SNED1: variants seen among roughly 807,000 people sequenced by gnomAD.
SNED1 encodes sushi, nidogen and EGF like domains 1.
In SNED1, 81 loss-of-function variants were observed where a neutral mutation model predicts 166.7. That is an observed-to-expected ratio of 0.49 (90% confidence interval 0.41 to 0.58). The LOEUF (loss-of-function observed/expected upper bound fraction) is 0.58. Ranked by LOEUF, SNED1 falls within the 20% of genes least tolerant of loss-of-function variation. The pLI, the probability that SNED1 is intolerant of heterozygous loss-of-function variation, is 0.00. For missense variants in SNED1, 1,604 were observed against 2,000.2 expected (o/e 0.80, Z 3.78); for synonymous variants, 762 against 822.0 (o/e 0.93, Z 1.25).
In SNED1 at chr2:241,040,365, T is replaced by TA; in HGVS notation, c.1226dup (p.Tyr409Ter). The change falls in exon 8 of 32, where the codon TAC becomes TAAC. Residue 409 changes from tyrosine (Y) to a stop codon, truncating the protein, a stop_gained and frameshift_variant. Coordinates refer to ENST00000310397, the MANE Select transcript of SNED1 (RefSeq NM_001080437.3). LOFTEE classifies it high-confidence loss of function. The part of the protein sequence containing the change: ...GGSCVDLVGN[Y>*]TCLCAEPFKG... ...CTCTTGTGTTGACCTAGTGGGGAATTACACCTGCTTGTGTGCCGAGCCCTT... is the reference window on the plus strand; with the variant it reads ...CTCTTGTGTTGACCTAGTGGGGAATTAACACCTGCTTGTGTGCCGAGCCCTT... 6.2e-7 allele frequency: 1 copy of TA among 1,608,816 alleles called. No individual in the cohort carries two copies. Among genetic ancestry groups the TA allele is most frequent in the Non-Finnish European group, 8.5e-7 (1 of 1,177,696 alleles).
intron 31 of SNED1, chr2:241,090,363 A>G (rs1354858335): frequency 3.2e-6 from 5 of 1,550,304 alleles, no homozygotes; most frequent in Admixed American, 2.0e-5. Context: ...TCCTGTGACA[A>G]TGATGCCTTC....
At position 241,052,150 on chromosome 2, in the gene SNED1, C is replaced by T. The variant is rs569737866; in HGVS notation, c.1962C>T (p.Cys654=). 19 of 1,612,870 alleles carry T rather than the reference C, an allele frequency of 1.2e-5. No individual in the cohort carries two copies. Among genetic ancestry groups the T allele is most frequent in the East Asian group, 4.5e-5 (2 of 44,856 alleles). Residue 654 remains cysteine (C), a synonymous_variant, in exon 14 of 32, where the codon TGC becomes TGT. Transcript: ENST00000310397. ...CCCCAGGCTTCTCCGGGCGGCACTGCGAGATAGGTAAGGTGGGTGGGAGGC... is the reference window on the plus strand; with the variant it reads ...CCCCAGGCTTCTCCGGGCGGCACTGTGAGATAGGTAAGGTGGGTGGGAGGC... The part of the protein sequence containing the change: ...DCPPGFSGRH[C]EIAPSPCFRS...
chr2:241,008,982 G>A (rs2060304623), intron 1 of SNED1, among the ~76,000 whole-genome samples: 2 of 152,264 alleles, frequency 1.3e-5, no homozygotes, highest in African/African-American at 4.8e-5. Flanking sequence ...TCTGGGGTGG[G>A]TTGGAGGCGG....
In SNED1 at chr2:241,082,971, G is replaced by A. The variant is rs542559436; in HGVS notation, c.4121+607G>A. 5.9e-5 allele frequency among the ~76,000 whole-genome samples: 9 copies of A among 152,168 alleles called. No homozygotes were observed. The East Asian group carries it at 7.7e-4, about 13-fold the overall frequency. ...ACTTACTGAGTACCTGCTGTGTGCC[G>A]GGCACTGTTCTAGATACTCAGCACA... On this transcript the variant is annotated intron_variant, in intron 29 of 31. Transcript: ENST00000310397.
At chr2:241,074,746 ACT>A (rs1316455004) in intron 27 of SNED1, 2 of 152,112 alleles carry the variant, frequency 1.3e-5, no homozygotes, top group Admixed American at 6.5e-5. Flanking sequence ...TTCATGTTGC[ACT>A]CTCACGCTAG....
intron 16 of SNED1, among the ~76,000 whole-genome samples, chr2:241,059,724 G>T (rs2062173069): frequency 6.6e-6 from 1 of 152,074 alleles, no homozygotes; most frequent in African/African-American, 2.4e-5. Flanking sequence ...AAATTCAACT[G>T]GTATTTAAAA....
intron 21 of SNED1, among the ~76,000 whole-genome samples, chr2:241,067,190 G>A (rs962535266): frequency 4.6e-5 from 7 of 152,340 alleles, no homozygotes; most frequent in African/African-American, 9.6e-5. Context: ...TCCACAGACC[G>A]GGGTGCTGAG....
At chr2:241,010,446 C>A (rs1422919732) in intron 1 of SNED1, 1 of 152,366 alleles carries the variant, frequency 6.6e-6, no homozygotes, top group African/African-American at 2.4e-5. Flanking sequence ...GCAGGAGAGC[C>A]CTGAGTGCCC....
chr2:241,008,566 T>C (rs1017102406), intron 1 of SNED1, among the ~76,000 whole-genome samples: 9 of 152,234 alleles, frequency 5.9e-5, no homozygotes, highest in African/African-American at 1.9e-4. Flanking sequence ...GCCGTCTGTC[T>C]GCGACCAGGC....
chr2:241,057,434 A>C (rs188773392), intron 16 of SNED1, among the ~76,000 whole-genome samples: 4,071 of 144,940 alleles, frequency 0.028, 308 homozygotes, highest in East Asian at 0.19. Context: ...TGGCTCACAC[A>C]TATAATGGGA....
intron 6 of SNED1, among the ~76,000 whole-genome samples, chr2:241,038,766 G>A (rs1360344121): frequency 6.6e-6 from 1 of 152,254 alleles, no homozygotes; most frequent in Non-Finnish European, 1.5e-5. Flanking sequence ...GGCCAGGGAG[G>A]CTGGCAGGAT....
Position 241,094,708 on chromosome 2 carries a change from A to C in SNED1, c.*3072A>C, listed in dbSNP as rs546877864. The C allele has an allele frequency of 3.4e-6, 1 of 294,708 alleles. No homozygotes were observed. Among genetic ancestry groups the C allele is most frequent in the Non-Finnish European group, 6.6e-6 (1 of 150,376 alleles). The allele number at this position is 294,708 out of a possible 1,614,324, so 18.3% of individuals were successfully genotyped here. A position where few individuals can be genotyped will look rare whatever the true frequency, so the allele number is the denominator to read the frequency against. ...GGGCCGGATCATCCTCTCTTGTGGG[A>C]CCATCCTGTGCACTGCAGGATGTTT... is the stretch of plus-strand genomic sequence containing the variant. On this transcript the variant is annotated 3_prime_UTR_variant, in exon 32 of 32. Coordinates refer to ENST00000310397, the MANE Select transcript of SNED1 (RefSeq NM_001080437.3). The surrounding 1 kb of genome is among the most constrained non-coding windows in gnomAD (Gnocchi z 4.3).
At position 241,069,042 on chromosome 2, in the gene SNED1, C is replaced by A; in HGVS notation, c.3307+19C>A. The A allele has an allele frequency of 6.7e-7, 1 of 1,500,070 alleles. No individual in the cohort carries two copies. The highest frequency in any genetic ancestry group is 9.0e-7 in the Non-Finnish European group (1 of 1,106,482). 92.9% of individuals were successfully genotyped at this position (1,500,070 alleles called of 1,614,324 possible). On this transcript the variant is annotated intron_variant, in intron 23 of 31. Coordinates refer to ENST00000310397, the MANE Select transcript of SNED1 (RefSeq NM_001080437.3). The surrounding 1 kb of genome is among the most constrained non-coding windows in gnomAD (Gnocchi z 4.9). ...TGGACCCGTGAGTAGAGCAGCGCGGCCCCCGGCACACGAAAGGCCGTCTTC... is the reference window on the plus strand; with the variant it reads ...TGGACCCGTGAGTAGAGCAGCGCGGACCCCGGCACACGAAAGGCCGTCTTC...
intron 16 of SNED1, among the ~76,000 whole-genome samples, chr2:241,055,190 A>G (rs1381527105): frequency 1.3e-5 from 2 of 152,168 alleles, no homozygotes; most frequent in African/African-American, 4.8e-5. Context: ...TCGGAGCCCA[A>G]GAAGAAGAGA....
At chr2:241,029,533 T>C (rs775744624) in intron 1 of SNED1, among the ~76,000 whole-genome samples, 5 of 152,138 alleles carry the variant, frequency 3.3e-5, no homozygotes, top group Non-Finnish European at 5.9e-5. Flanking sequence ...GATCTCAACA[T>C]AGGAATTTGG....
In SNED1 at chr2:241,069,148, C is replaced by T; in HGVS notation, c.3307+125C>T. 1.5e-6 allele frequency: 1 copy of T among 648,180 alleles called. No homozygotes were observed. The highest frequency in any genetic ancestry group is 2.6e-6 in the Non-Finnish European group (1 of 384,152). 40.2% of individuals were successfully genotyped at this position (648,180 alleles called of 1,614,324 possible). On this transcript the variant is annotated intron_variant, in intron 23 of 31. Coordinates refer to ENST00000310397, the MANE Select transcript of SNED1 (RefSeq NM_001080437.3). This position sits in a 1 kb window ranked among gnomAD's most constrained non-coding sequence, Gnocchi z 4.9. ...ACCAGAAACCCAGCCCCTGGCCTCCCAGATGTCTCTTCCGCTGGGGCCACT... is the reference window on the plus strand; with the variant it reads ...ACCAGAAACCCAGCCCCTGGCCTCCTAGATGTCTCTTCCGCTGGGGCCACT...
Position 241,052,342 on chromosome 2 carries a change from T to G in SNED1, c.1970-13T>G, listed in dbSNP as rs757703720. ...GAAGACACAGTGGCCAGGACCTTCC[T>G]GCATTCTGGCAGCCCCCTCCCCCTG... is the stretch of plus-strand genomic sequence containing the variant. On this transcript the variant is annotated splice_polypyrimidine_tract_variant and intron_variant, in intron 14 of 31. Transcript: ENST00000310397. The G allele has an allele frequency of 5.1e-6, 8 of 1,564,448 alleles. No individual in the cohort carries two copies. In the African/African-American group the frequency reaches 8.1e-5, roughly 16 times the overall value.
intron 28 of SNED1, 58 bp from the exon 29 acceptor site, chr2:241,082,219 G>A: frequency 2.1e-6 from 3 of 1,421,276 alleles, no homozygotes; most frequent in Non-Finnish European, 3.0e-6. Flanking sequence ...GGCCTCTCAA[G>A]AGGGGCAGGA....
chr2:241,034,529 G>A, intron 3 of SNED1, 39 bp from the exon 4 acceptor site: 1 of 1,549,242 alleles, frequency 6.5e-7, no homozygotes, highest in Non-Finnish European at 8.8e-7. Flanking sequence ...TAGACCTGGG[G>A]AACTGGCCTC....
Sources: gnomAD v4.1 joint callset for allele counts (sites outside exome capture counted in the v4.1 genomes callset) on GRCh38, gnomAD v4.1.1 for gene constraint, Gnocchi (gnomAD v3.1) non-coding constraint, MANE v1.5 for transcripts, NCBI Gene and HGNC (gene_info 2026-07-23, HGNC 2026-07-21) for gene names.